Variants in AKIRIN1 observed in about 807,000 individuals in gnomAD.
AKIRIN1 encodes the protein akirin 1, also known as akirin-1.
AKIRIN1 carries 4 observed loss-of-function variants against 25.9 expected under a neutral mutation model. The ratio of observed to expected loss-of-function variants is 0.15; its 90% CI spans 0.08 to 0.35. The LOEUF is 0.35. Ranked by LOEUF, AKIRIN1 falls within the 10% of genes least tolerant of loss-of-function variation. AKIRIN1 has a pLI of 1.00. For missense variants in AKIRIN1, 243 were observed against 266.1 expected (o/e 0.91, Z 0.61); for synonymous variants, 125 against 105.1 (o/e 1.19, Z -1.16).
At position 39,003,343 on chromosome 1, in the gene AKIRIN1, A is replaced by C; in HGVS notation, c.497-4A>C. 6.2e-7 allele frequency: 1 copy of C among 1,613,584 alleles called. No individual in the cohort carries two copies. Among genetic ancestry groups the C allele is most frequent in the Non-Finnish European group, 8.5e-7 (1 of 1,179,826 alleles). ...GAGGATAAGTATGTACTGTCTTCTC[A>C]CAGAACAATATGAATCTTTTGTGAA... is the stretch of plus-strand genomic sequence containing the variant. On this transcript the variant is annotated splice_polypyrimidine_tract_variant and splice_region_variant and intron_variant, in intron 3 of 4. Coordinates refer to ENST00000432648, the MANE Select transcript of AKIRIN1 (RefSeq NM_024595.3).
intron 2 of AKIRIN1, among the ~76,000 whole-genome samples, chr1:39,000,118 A>G (rs569840748): frequency 1.9e-4 from 29 of 151,908 alleles, no homozygotes; most frequent in Admixed American, 1.8e-3. Context: ...TCCTGACCTC[A>G]AGTGATCAAC....
At chr1:38,998,000 C>T (rs72940811) in intron 1 of AKIRIN1, among the ~76,000 whole-genome samples, 171 bp from the exon 2 acceptor site, 6,712 of 151,992 alleles carry the variant, frequency 0.044, 493 homozygotes, top group African/African-American at 0.15. Flanking sequence ...GTGCTTGGTA[C>T]GGTATAAACG....
chr1:38,994,026 G>A (rs1474655287), intron 1 of AKIRIN1, among the ~76,000 whole-genome samples: 11 of 151,348 alleles, frequency 7.3e-5, no homozygotes, highest in South Asian at 2.1e-4. Flanking sequence ...GCCGAGATCC[G>A]GCCATTGCAC....
In AKIRIN1 at chr1:38,991,296, C is replaced by CGGCTTGGCTGGCG. The variant is rs1643902414; in HGVS notation, c.-84_-72dup. 2 of 1,212,474 alleles carry CGGCTTGGCTGGCG rather than the reference C, an allele frequency of 1.6e-6. No individual in the cohort carries two copies. The allele number at this position is 1,212,474 out of a possible 1,614,324, so 75.1% of individuals were successfully genotyped here. On this transcript the variant is annotated 5_prime_UTR_variant, in exon 1 of 5. Coordinates refer to ENST00000432648, the MANE Select transcript of AKIRIN1 (RefSeq NM_024595.3). ...CGGGTGCTGGAGGCGCCATTGGAGC[C>CGGCTTGGCTGGCG]GGCTTGGCTGGCGAGCCCGGCTGAG...
chr1:38,998,159 C>G lies in AKIRIN1; in HGVS notation c.221-12C>G. 6.2e-7 allele frequency: 1 copy of G among 1,600,156 alleles called. No homozygotes were observed. The highest frequency in any genetic ancestry group is 8.5e-7 in the Non-Finnish European group (1 of 1,174,020). The stretch of plus-strand genomic sequence containing the variant: ...ATAAAGTGAAAGCTCAAGTTTGTTT[C>G]TTTTTTATTAGAGCAAATTTTTCAG... On this transcript the variant is annotated splice_polypyrimidine_tract_variant and intron_variant, in intron 1 of 4. Transcript: ENST00000432648.
intron 1 of AKIRIN1, 80 bp from the exon 2 acceptor site, chr1:38,998,089 CTT>C: frequency 1.4e-6 from 2 of 1,435,456 alleles, no homozygotes. Flanking sequence ...GTCAGAAGAT[CTT>C]TGTCTCTTCC....
chr1:39,003,048 A>G (rs1240540302), intron 3 of AKIRIN1, among the ~76,000 whole-genome samples: 1 of 152,188 alleles, frequency 6.6e-6, no homozygotes, highest in Admixed American at 6.6e-5. Context: ...TTTCCTGGCT[A>G]TGGTAGTGAG....
rs897704260 is a variant in AKIRIN1 at position 39,005,722 on chromosome 1, C to T, written c.*1667C>T. 2.0e-5 allele frequency: 3 copies of T among 152,142 alleles called. No homozygotes were observed. The highest frequency in any genetic ancestry group is 7.2e-5 in the African/African-American group (3 of 41,410). 9.4% of individuals were successfully genotyped at this position (152,142 alleles called of 1,614,324 possible). Reference sequence around the variant, plus strand: ...AATATTCAGAGACAGTTGTTGTGATCAGATGGCTTAGAGAAATTTCTGGAA... The same window carrying T: ...AATATTCAGAGACAGTTGTTGTGATTAGATGGCTTAGAGAAATTTCTGGAA... On this transcript the variant is annotated 3_prime_UTR_variant, in exon 5 of 5. Transcript: ENST00000432648.
Position 39,005,993 on chromosome 1 carries a change from GGACC to G in AKIRIN1, c.*1939_*1942del, listed in dbSNP as rs1273689082. 2 of 151,228 alleles carry G rather than the reference GGACC, an allele frequency of 1.3e-5. No homozygotes were observed. The highest frequency in any genetic ancestry group is 2.9e-5 in the Non-Finnish European group (2 of 67,898). The allele number at this position is 151,228 out of a possible 1,614,324, so 9.4% of individuals were successfully genotyped here. On this transcript the variant is annotated 3_prime_UTR_variant, in exon 5 of 5. Transcript: ENST00000432648. The stretch of plus-strand genomic sequence containing the variant: ...GTTCAACATTGCATTGAAAATTTAT[GGACC>G]TTTAAAAAAAAAAGCCCAACAGTGA...
intron 1 of AKIRIN1, among the ~76,000 whole-genome samples, chr1:38,993,682 C>T (rs1269012169): frequency 6.7e-6 from 1 of 149,450 alleles, no homozygotes; most frequent in Non-Finnish European, 1.5e-5. Flanking sequence ...CTCACACCTG[C>T]AATCCCAGCA....
rs1162948781 is a variant in AKIRIN1 at position 39,000,350 on chromosome 1, T to TC, written c.362-622_362-621insC. Reference sequence around the variant, plus strand: ...AGAACCTTTTTTTTCTTTTTCTTTTTTTTTTTTTTTTTGAGTCCGTTTTGC... The same window carrying TC: ...AGAACCTTTTTTTTCTTTTTCTTTTTCTTTTTTTTTTTTGAGTCCGTTTTGC... On this transcript the variant is annotated intron_variant, in intron 2 of 4. Coordinates refer to ENST00000432648, the MANE Select transcript of AKIRIN1 (RefSeq NM_024595.3). Among the ~76,000 whole-genome samples, 201 of 132,766 alleles carry TC rather than the reference T, an allele frequency of 1.5e-3. 1 individual carries two copies. The highest frequency in any genetic ancestry group is 9.0e-3 in the Admixed American group (127 of 14,098). The allele number at this position is 132,766 out of a possible 152,430, so 87.1% of individuals were successfully genotyped here. A position where few individuals can be genotyped will look rare whatever the true frequency, so the allele number is the denominator to read the frequency against.
At chr1:39,000,103 C>T (rs150393535) in intron 2 of AKIRIN1, among the ~76,000 whole-genome samples, 2,354 of 151,924 alleles carry the variant, frequency 0.015, 63 homozygotes, top group African/African-American at 0.051. Flanking sequence ...GGGCTGGTCT[C>T]GAACTCCTGA....
intron 4 of AKIRIN1, 67 bp downstream of exon 4, chr1:39,003,485 C>G: frequency 6.9e-7 from 1 of 1,457,308 alleles, no homozygotes; most frequent in Non-Finnish European, 9.5e-7. Context: ...ACTGAAACTT[C>G]TCTCCTCAGA....
At chr1:38,996,559 T>C (rs901407456) in intron 1 of AKIRIN1, among the ~76,000 whole-genome samples, 4 of 151,778 alleles carry the variant, frequency 2.6e-5, no homozygotes, top group Non-Finnish European at 5.9e-5. Context: ...GGCAGAGTCT[T>C]GATTGTGTTT....
In AKIRIN1 at chr1:39,004,459, G is replaced by T. The variant is rs1644018244; in HGVS notation, c.*404G>T. On this transcript the variant is annotated 3_prime_UTR_variant, in exon 5 of 5. Coordinates refer to ENST00000432648, the MANE Select transcript of AKIRIN1 (RefSeq NM_024595.3). Reference sequence around the variant, plus strand: ...TTGTATTGTGCAAAAATTTTTTTTTGATCTTGGGGATTCTGGCTGTGAATT... The same window carrying T: ...TTGTATTGTGCAAAAATTTTTTTTTTATCTTGGGGATTCTGGCTGTGAATT... The T allele has an allele frequency of 7.0e-6, 2 of 286,890 alleles. No homozygotes were observed. Among genetic ancestry groups the T allele is most frequent in the South Asian group, 3.4e-5 (1 of 29,470 alleles). The allele number at this position is 286,890 out of a possible 1,614,324, so 17.8% of individuals were successfully genotyped here.
Position 38,991,295 on chromosome 1 carries a change from C to T in AKIRIN1, c.-86C>T. 1.7e-6 allele frequency: 2 copies of T among 1,206,322 alleles called. No individual in the cohort carries two copies. Among genetic ancestry groups the T allele is most frequent in the Non-Finnish European group, 2.1e-6 (2 of 939,746 alleles). 74.7% of individuals were successfully genotyped at this position (1,206,322 alleles called of 1,614,324 possible). On this transcript the variant is annotated 5_prime_UTR_variant, in exon 1 of 5. Coordinates refer to ENST00000432648, the MANE Select transcript of AKIRIN1 (RefSeq NM_024595.3). ...CCGGGTGCTGGAGGCGCCATTGGAG[C>T]CGGCTTGGCTGGCGAGCCCGGCTGA...
intron 1 of AKIRIN1, among the ~76,000 whole-genome samples, chr1:38,996,790 A>G (rs987135667): frequency 8.5e-5 from 13 of 152,086 alleles, no homozygotes; most frequent in African/African-American, 2.4e-4. Flanking sequence ...CAGCCTCCCA[A>G]AGTGCTGGGA....
chr1:39,003,600 A>G (rs1387521492), intron 4 of AKIRIN1, among the ~76,000 whole-genome samples, 182 bp downstream of exon 4: 1 of 152,218 alleles, frequency 6.6e-6, no homozygotes, highest in Admixed American at 6.5e-5. Flanking sequence ...AGGGAGTACT[A>G]TTATTAGCTC....
intron 3 of AKIRIN1, among the ~76,000 whole-genome samples, chr1:39,002,834 A>G (rs1644004507): frequency 6.6e-6 from 1 of 152,168 alleles, no homozygotes; most frequent in Non-Finnish European, 1.5e-5. Flanking sequence ...CACAGATGTC[A>G]GGCTACCTTC....
Sources: allele counts gnomAD v4.1 joint callset (sites outside exome capture counted in the v4.1 genomes callset), GRCh38; gene constraint gnomAD v4.1.1; transcripts MANE v1.5; gene names NCBI Gene and HGNC (gene_info 2026-07-23, HGNC 2026-07-21).